Variants in IMMP2L observed in about 807,000 individuals in gnomAD.
IMMP2L encodes mitochondrial inner membrane protease subunit 2.
In IMMP2L, 18 loss-of-function variants were observed where a neutral mutation model predicts 19.3. That is an observed-to-expected ratio of 0.93 (90% CI 0.64 to 1.38). The LOEUF is 1.38. Ranked by LOEUF, IMMP2L falls within the 40% of genes most tolerant of loss-of-function variation. The pLI is 0.00. For missense variants in IMMP2L, 233 were observed against 218.2 expected (o/e 1.07, Z -0.43); for synonymous variants, 76 against 73.0 (o/e 1.04, Z -0.21).
intron 3 of IMMP2L, among the ~76,000 whole-genome samples, chr7:111,203,130 T>C (rs536440273): frequency 6.6e-6 from 1 of 152,322 alleles, no homozygotes; most frequent in African/African-American, 2.4e-5. Flanking sequence ...AAAGGGATGA[T>C]AGTTCATTTG....
At chr7:111,125,035 G>A (rs2129590555) in intron 3 of IMMP2L, 1 of 670,310 alleles carries the variant, frequency 1.5e-6, no homozygotes, top group Admixed American at 3.4e-5. Flanking sequence ...AGAAGTTTAA[G>A]CTTCACCAAT....
chr7:110,956,420 T>C (rs1818359981), intron 4 of IMMP2L, among the ~76,000 whole-genome samples: 2 of 152,026 alleles, frequency 1.3e-5, no homozygotes, highest in African/African-American at 4.8e-5. Flanking sequence ...AGCCAAGAAG[T>C]GATTCTGTTT....
rs530730347 is a variant in IMMP2L at position 111,213,232 on chromosome 7, C to A, written c.240-249667G>T. On this transcript the variant is annotated intron_variant, in intron 3 of 5. Coordinates refer to ENST00000405709, the MANE Select transcript of IMMP2L (RefSeq NM_032549.4). The surrounding 1 kb of genome is among the most constrained non-coding windows in gnomAD (Gnocchi z 4.8). ...AGTTGAGGCCTAGCCCGGGTGCTGT[C>A]ACAATCAGGCTGAGTGTGCACACAA... Among the ~76,000 whole-genome samples, 2 of 152,226 alleles carry A rather than the reference C, an allele frequency of 1.3e-5. No individual in the cohort carries two copies. The highest frequency in any genetic ancestry group is 1.3e-4 in the Admixed American group (2 of 15,290).
At chr7:111,512,130 C>T (rs1212733933) in intron 2 of IMMP2L, among the ~76,000 whole-genome samples, 1 of 152,150 alleles carries the variant, frequency 6.6e-6, no homozygotes, top group South Asian at 2.1e-4. Context: ...AAAACCCAAA[C>T]ATTTATCATC....
chr7:111,086,207 G>A (rs920054219), intron 3 of IMMP2L, among the ~76,000 whole-genome samples: 3 of 150,940 alleles, frequency 2.0e-5, no homozygotes, highest in Non-Finnish European at 2.9e-5. Flanking sequence ...TGGAAGGTTC[G>A]CTTGAGAGCA....
At chr7:111,027,169 T>C (rs1239045078) in intron 3 of IMMP2L, among the ~76,000 whole-genome samples, 1 of 152,088 alleles carries the variant, frequency 6.6e-6, no homozygotes, top group African/African-American at 2.4e-5. Context: ...GTTTCTCAAA[T>C]GGATTTGATA....
At chr7:111,301,737 C>T (rs531639500) in intron 3 of IMMP2L, among the ~76,000 whole-genome samples, 3 of 151,908 alleles carry the variant, frequency 2.0e-5, no homozygotes, top group East Asian at 1.9e-4. Flanking sequence ...AACTATTTGG[C>T]TCCTTTGTCA....
At chr7:111,223,523 T>C (rs1478517309) in intron 3 of IMMP2L, among the ~76,000 whole-genome samples, 2 of 152,126 alleles carry the variant, frequency 1.3e-5, no homozygotes, top group South Asian at 2.1e-4. Flanking sequence ...TATGCAACCA[T>C]CTTTGCTATT....
chr7:110,840,907 A>G (rs1427307878), intron 5 of IMMP2L, among the ~76,000 whole-genome samples: 1 of 152,046 alleles, frequency 6.6e-6, no homozygotes, highest in African/African-American at 2.4e-5. Context: ...ACTATTAATT[A>G]TACATTTTGG....
At chr7:110,900,730 G>A (rs543688284) in intron 4 of IMMP2L, among the ~76,000 whole-genome samples, 3 of 152,206 alleles carry the variant, frequency 2.0e-5, no homozygotes, top group South Asian at 4.1e-4. Flanking sequence ...GAGTAGTATC[G>A]CTGGCTTCCA....
At chr7:111,271,091 C>T (rs113882833) in intron 3 of IMMP2L, among the ~76,000 whole-genome samples, 3,973 of 152,206 alleles carry the variant, frequency 0.026, 177 homozygotes, top group African/African-American at 0.091. Context: ...GACAGTTACC[C>T]TCATGCTGTT....
intron 3 of IMMP2L, among the ~76,000 whole-genome samples, chr7:111,018,787 T>TTTA (rs61180550): frequency 0.057 from 8,111 of 141,354 alleles, 259 homozygotes; most frequent in Admixed American, 0.091. Context: ...TGTGTGTCTT[T>TTTA]TTATTATTAT....
chr7:111,054,429 C>A (rs1166652608), intron 3 of IMMP2L, among the ~76,000 whole-genome samples: 2 of 152,168 alleles, frequency 1.3e-5, no homozygotes, highest in South Asian at 4.1e-4. Context: ...CCAATTAAAC[C>A]ATTTGCAGTC....
intron 4 of IMMP2L, among the ~76,000 whole-genome samples, chr7:110,893,425 C>T (rs1294938067): frequency 5.3e-5 from 8 of 152,202 alleles, no homozygotes; most frequent in East Asian, 3.9e-4. Flanking sequence ...TTTAGTCTAA[C>T]GCTTTTGAGA....
chr7:111,266,544 CAAAAA>C (rs530670317), intron 3 of IMMP2L, among the ~76,000 whole-genome samples: 1 of 88,764 alleles, frequency 1.1e-5, no homozygotes. Context: ...CTATGTCTCC[CAAAAA>C]AAAAAAAAAA....
intron 1 of IMMP2L, 82 bp from the exon 2 acceptor site, chr7:111,521,531 AAG>A: frequency 3.9e-6 from 5 of 1,285,224 alleles, no homozygotes; most frequent in Non-Finnish European, 5.3e-6. Flanking sequence ...CATGAAAAGT[AAG>A]AGTTACCGAA....
At chr7:111,327,141 C>T (rs1249684660) in intron 3 of IMMP2L, among the ~76,000 whole-genome samples, 4 of 151,654 alleles carry the variant, frequency 2.6e-5, no homozygotes, top group African/African-American at 7.3e-5. Flanking sequence ...GTCACAGAAG[C>T]GCAAATACTG....
At chr7:111,347,285 A>G (rs1456121241) in intron 3 of IMMP2L, among the ~76,000 whole-genome samples, 1 of 152,096 alleles carries the variant, frequency 6.6e-6, no homozygotes. Flanking sequence ...GAAGGAAAGC[A>G]GAGAGGATGT....
chr7:111,025,914 G>C (rs565085952), intron 3 of IMMP2L, among the ~76,000 whole-genome samples: 20 of 152,084 alleles, frequency 1.3e-4, no homozygotes, highest in Non-Finnish European at 2.5e-4. Context: ...CTTGAAGTTT[G>C]AGCAGTCCAT....
Sources: allele counts gnomAD v4.1 joint callset (sites outside exome capture counted in the v4.1 genomes callset), GRCh38; gene constraint gnomAD v4.1.1; non-coding constraint Gnocchi (gnomAD v3.1); transcripts MANE v1.5; gene names NCBI Gene and HGNC (gene_info 2026-07-23, HGNC 2026-07-21).